B3GNT6: variants seen among roughly 807,000 people sequenced by gnomAD.
B3GNT6 encodes the protein acetylgalactosaminyl-O-glycosyl-glycoprotein beta-1,3-N-acetylglucosaminyltransferase.
For synonymous variants in B3GNT6, 300 were observed against 270.0 expected (o/e 1.11, Z -1.09); for missense variants, 624 against 568.6 (o/e 1.10, Z -0.99).
intron 1 of B3GNT6, among the ~76,000 whole-genome samples, chr11:77,036,706 A>G (rs1438774702): frequency 1.3e-5 from 2 of 152,228 alleles, no homozygotes; most frequent in Non-Finnish European, 2.9e-5. Flanking sequence ...TCAAAATCAC[A>G]ACACTAGAAA....
At position 77,039,749 on chromosome 11, in the gene B3GNT6, C is replaced by G; in HGVS notation, c.198C>G (p.Pro66=). ...ACGAGCCGCCCTCGGAGCTCGTCCCCGGGCCCCCGTGCGTGGCGAACGCCT... is the reference window on the plus strand; with the variant it reads ...ACGAGCCGCCCTCGGAGCTCGTCCCGGGGCCCCCGTGCGTGGCGAACGCCT... The part of the protein sequence containing the change: ...AADEPPSELV[P]GPPCVANASA... Residue 66 remains proline (P), a synonymous_variant, in exon 2 of 2, where the codon CCC becomes CCG. Coordinates refer to ENST00000622824, the MANE Select transcript of B3GNT6 (RefSeq NM_138706.5). 6.3e-7 allele frequency: 1 copy of G among 1,596,560 alleles called. No homozygotes were observed.
chr11:77,038,906 G>A (rs572472304), intron 1 of B3GNT6, among the ~76,000 whole-genome samples: 4 of 152,320 alleles, frequency 2.6e-5, no homozygotes, highest in East Asian at 3.9e-4. Context: ...CAGCCCTGCA[G>A]TAGGAATTCA....
In B3GNT6 at chr11:77,039,561, C is replaced by A. The variant is rs1555027371; in HGVS notation, c.10C>A (p.Pro4Thr). 1.9e-6 allele frequency: 3 copies of A among 1,576,016 alleles called. No individual in the cohort carries two copies. The highest frequency in any genetic ancestry group is 2.6e-6 in the Non-Finnish European group (3 of 1,161,232). MAF[P>T]CRRSLTAKTL... ...TCGGTTTCCCCCACAGATGGCTTTT[C>A]CCTGCCGCAGGTCCCTGACTGCCAA... The change falls in exon 2 of 2, where the codon CCC becomes ACC. Residue 4 changes from proline to threonine, a missense_variant. Transcript: ENST00000622824.
chr11:77,035,620 G>A (rs1555026836), intron 1 of B3GNT6, among the ~76,000 whole-genome samples: 1 of 152,214 alleles, frequency 6.6e-6, no homozygotes, highest in African/African-American at 2.4e-5. Flanking sequence ...AGAGACAAGG[G>A]ATCAGGGCCA....
Position 77,039,649 on chromosome 11 carries a change from C to G in B3GNT6, c.98C>G (p.Ala33Gly), listed in dbSNP as rs1555027395. ...GCACTGCAGCAGTGGTTCCTCCAGG[C>G]GCCAAGGTCCCCGCGGGAGGAGAGG... is the stretch of plus-strand genomic sequence containing the variant. ...FLALQQWFLQAPRSPREERSP... is the reference protein window; with the variant it reads ...FLALQQWFLQGPRSPREERSP... The change falls in exon 2 of 2, where the codon GCG (alanine) becomes GGG (glycine). Residue 33 changes from alanine (A) to glycine (G), a missense_variant. Ala to Gly is a moderately conservative substitution (Grantham distance 60). Coordinates refer to ENST00000622824, the MANE Select transcript of B3GNT6 (RefSeq NM_138706.5). 3 of 1,613,066 alleles carry G rather than the reference C, an allele frequency of 1.9e-6. No homozygotes were observed. The highest frequency in any genetic ancestry group is 1.3e-5 in the African/African-American group (1 of 74,894).
At chr11:77,038,546 A>T (rs1320618614) in intron 1 of B3GNT6, among the ~76,000 whole-genome samples, 1 of 152,110 alleles carries the variant, frequency 6.6e-6, no homozygotes, top group Non-Finnish European at 1.5e-5. Flanking sequence ...ACTGCACTCC[A>T]GCCTGGGTGA....
chr11:77,038,062 A>AGGAGGGGGAGGGGGAGGAGGGGGAG (rs1949649940), intron 1 of B3GNT6, among the ~76,000 whole-genome samples: 1 of 734 alleles, frequency 1.4e-3, no homozygotes, highest in Non-Finnish European at 3.3e-3. Flanking sequence ...AATGAGTGGG[A>AGGAGGGGGAGGGGGAGGAGGGGGAG]GGGGATGAGG....
At chr11:77,038,446 C>A (rs150631575) in intron 1 of B3GNT6, among the ~76,000 whole-genome samples, 1 of 151,336 alleles carries the variant, frequency 6.6e-6, no homozygotes, top group African/African-American at 2.4e-5. Flanking sequence ...GTGGCACGCT[C>A]CTGTAGAGCG....
intron 1 of B3GNT6, among the ~76,000 whole-genome samples, chr11:77,036,212 G>C (rs1187019932): frequency 6.6e-6 from 1 of 152,116 alleles, no homozygotes; most frequent in Admixed American, 6.6e-5. Flanking sequence ...GCACTGAGTA[G>C]ACAGTTGACG....
intron 1 of B3GNT6, among the ~76,000 whole-genome samples, chr11:77,035,872 C>T (rs925865100): frequency 1.4e-4 from 21 of 152,192 alleles, no homozygotes; most frequent in African/African-American, 1.7e-4. Context: ...TCAGAGTAAA[C>T]GCAAACTTCT....
chr11:77,039,493 G>A lies in B3GNT6; in HGVS notation c.1-59G>A, dbSNP rs959342582. On this transcript the variant is annotated intron_variant, in intron 1 of 1. Transcript: ENST00000622824. ...GGAGAGAAGTGACGGGGTACGGGTG[G>A]TGTCCTGCCGGTGTCAAAGACGACT... The A allele has an allele frequency of 9.9e-6, 15 of 1,521,972 alleles. 1 individual carries two copies. The Admixed American group carries it at 1.7e-4, about 17-fold the overall frequency. 94.3% of individuals were successfully genotyped at this position (1,521,972 alleles called of 1,614,324 possible).
Position 77,040,774 on chromosome 11 carries a change from C to T in B3GNT6, c.*68C>T, listed in dbSNP as rs1383118222. On this transcript the variant is annotated 3_prime_UTR_variant, in exon 2 of 2. Coordinates refer to ENST00000622824, the MANE Select transcript of B3GNT6 (RefSeq NM_138706.5). ...ATGCTGAGAAGGCAGCTTTCCCGCT[C>T]TGGGTACCTTACGTCCTGCCCAGCT... The T allele has an allele frequency of 9.4e-6, 14 of 1,485,376 alleles. No homozygotes were observed. In the East Asian group the frequency reaches 3.3e-4, roughly 35 times the overall value. The allele number at this position is 1,485,376 out of a possible 1,614,324, so 92.0% of individuals were successfully genotyped here.
At chr11:77,035,025 G>A (rs933541196) in intron 1 of B3GNT6, among the ~76,000 whole-genome samples, 2 of 152,180 alleles carry the variant, frequency 1.3e-5, no homozygotes, top group African/African-American at 4.8e-5. Context: ...TGGGCATGGG[G>A]GTGGACGCCT....
chr11:77,039,951 G>C lies in B3GNT6; in HGVS notation c.400G>C (p.Glu134Gln). ...KSAPEHYERRELIRRTWGQER... is the reference protein window; with the variant it reads ...KSAPEHYERRQLIRRTWGQER... The stretch of plus-strand genomic sequence containing the variant: ...GGCGCCTGAGCACTACGAGCGACGC[G>C]AGCTCATCCGGCGCACGTGGGGGCA... The change falls in exon 2 of 2, where the codon GAG (glutamate) becomes CAG (glutamine). Residue 134 changes from glutamate (E) to glutamine (Q), a missense_variant. Coordinates refer to ENST00000622824, the MANE Select transcript of B3GNT6 (RefSeq NM_138706.5). 6 of 1,591,706 alleles carry C rather than the reference G, an allele frequency of 3.8e-6. No individual in the cohort carries two copies. Among genetic ancestry groups the C allele is most frequent in the Non-Finnish European group, 4.2e-6 (5 of 1,176,532 alleles).
rs114556981 is a variant in B3GNT6 at position 77,041,306 on chromosome 11, G to C, written c.*600G>C. The stretch of plus-strand genomic sequence containing the variant: ...CACTACCCCAGTACACCGTGAGGTA[G>C]AAATCTTCACCGTGCAAAGTGGAAA... On this transcript the variant is annotated 3_prime_UTR_variant, in exon 2 of 2. Transcript: ENST00000622824. 1 of 152,492 alleles carries C rather than the reference G, an allele frequency of 6.6e-6. No homozygotes were observed. Among genetic ancestry groups the C allele is most frequent in the Non-Finnish European group, 1.5e-5 (1 of 68,258 alleles). 9.4% of individuals were successfully genotyped at this position (152,492 alleles called of 1,614,324 possible). A position where few individuals can be genotyped will look rare whatever the true frequency, so the allele number is the denominator to read the frequency against.
In B3GNT6 at chr11:77,040,293, G is replaced by A. The variant is rs1555027686; in HGVS notation, c.742G>A (p.Gly248Ser). Reference sequence around the variant, plus strand: ...GCCACCCGGCCGCCACCTGTTCTCCGGCCAGCTCATGGAGGGCTCCGTGCC... The same window carrying A: ...GCCACCCGGCCGCCACCTGTTCTCCAGCCAGCTCATGGAGGGCTCCGTGCC... ...AQPPGRHLFS[G>S]QLMEGSVPIR... is the part of the protein sequence containing the mutation. Residue 248 changes from glycine (G) to serine (S), a missense_variant, in exon 2 of 2, where the codon GGC (glycine) becomes AGC (serine). Physicochemically the swap from Gly to Ser is moderately conservative, Grantham distance 56. Coordinates refer to ENST00000622824, the MANE Select transcript of B3GNT6 (RefSeq NM_138706.5). 6.3e-7 allele frequency: 1 copy of A among 1,590,286 alleles called. No homozygotes were observed. Among genetic ancestry groups the A allele is most frequent in the Non-Finnish European group, 8.5e-7 (1 of 1,175,972 alleles).
At chr11:77,037,714 C>G (rs1949643889) in intron 1 of B3GNT6, among the ~76,000 whole-genome samples, 1 of 150,740 alleles carries the variant, frequency 6.6e-6, no homozygotes, top group Non-Finnish European at 1.5e-5. Flanking sequence ...AGTTTGAGCT[C>G]AAGCCTGGAC....
intron 1 of B3GNT6, among the ~76,000 whole-genome samples, chr11:77,038,983 G>T (rs1206771867): frequency 2.6e-5 from 4 of 152,224 alleles, no homozygotes; most frequent in Non-Finnish European, 5.9e-5. Context: ...AGACGGTGCA[G>T]ATGGGGAAGT....
At chr11:77,037,654 T>C (rs1949643426) in intron 1 of B3GNT6, among the ~76,000 whole-genome samples, 1 of 151,584 alleles carries the variant, frequency 6.6e-6, no homozygotes, top group South Asian at 2.1e-4. Flanking sequence ...CTCACACCTG[T>C]AATCCCAGCA....
Sources: gnomAD v4.1 joint callset for allele counts (sites outside exome capture counted in the v4.1 genomes callset) on GRCh38, gnomAD v4.1.1 for gene constraint, MANE v1.5 for transcripts, NCBI Gene and HGNC (gene_info 2026-07-23, HGNC 2026-07-21) for gene names.